DLG2: variants seen among roughly 807,000 people sequenced by gnomAD.
The protein encoded by DLG2 is discs large MAGUK scaffold protein 2, also known as disks large homolog 2.
A neutral mutation model predicts 132.5 loss-of-function variants in DLG2; 45 were observed. The observed-to-expected ratio is 0.34, with a 90% CI of 0.27 to 0.44. The LOEUF is 0.44. Among genes scored for constraint, DLG2 ranks in the 20% least tolerant of loss-of-function variants. DLG2 has a pLI of 1.00. For synonymous variants in DLG2, 424 were observed against 419.6 expected (o/e 1.01, Z -0.13); for missense variants, 1,045 against 1,196.9 (o/e 0.87, Z 1.87).
chr11:84,662,258 T>C (rs1034890740), intron 6 of DLG2, among the ~76,000 whole-genome samples: 1 of 147,288 alleles, frequency 6.8e-6, no homozygotes, highest in African/African-American at 2.5e-5. Context: ...AATGGTACAA[T>C]CTCTGCCTCC....
chr11:84,187,115 T>TTATATAATATTTACTTA (rs1432348491), intron 8 of DLG2, among the ~76,000 whole-genome samples: 2 of 149,434 alleles, frequency 1.3e-5, no homozygotes. Context: ...TATTATATCT[T>TTATATAATATTTACTTA]TATATAAATA....
chr11:85,005,152 A>C (rs1246916494), intron 6 of DLG2, among the ~76,000 whole-genome samples: 1 of 152,170 alleles, frequency 6.6e-6, no homozygotes, highest in Non-Finnish European at 1.5e-5. Context: ...GTTTGAAGTC[A>C]AATAGCGTGA....
chr11:84,896,631 T>G (rs1057274379), intron 6 of DLG2, among the ~76,000 whole-genome samples: 1 of 152,036 alleles, frequency 6.6e-6, no homozygotes, highest in African/African-American at 2.4e-5. Flanking sequence ...TAAACAGAGA[T>G]AGTAGTTGCC....
chr11:84,452,148 TGAGGAAGAGGAGGAGGAGAAAAGGAA>T (rs2099053392), intron 7 of DLG2, among the ~76,000 whole-genome samples: 3 of 141,564 alleles, frequency 2.1e-5, no homozygotes, highest in African/African-American at 7.7e-5. Flanking sequence ...GAGGAGGAGA[TGAGGAAGAGGAGGAGGAGAAAAGGAA>T]GAGGAAGAGG....
rs184806592 is a variant in DLG2 at position 84,937,513 on chromosome 11, A to G, written c.357+174148T>C. On this transcript the variant is annotated intron_variant, in intron 6 of 27. Transcript: ENST00000376104. ...TCCAGAGAAGGGGTGGTTACTTGAC[A>G]GTGAGAAGGCAAAGGAAGCGTATAT... Among the ~76,000 whole-genome samples, 9 of 152,316 alleles carry G rather than the reference A, an allele frequency of 5.9e-5. No homozygotes were observed. In the East Asian group the frequency reaches 1.4e-3, roughly 23 times the overall value.
At chr11:83,789,565 T>G (rs1480167818) in intron 17 of DLG2, among the ~76,000 whole-genome samples, 1 of 151,846 alleles carries the variant, frequency 6.6e-6, no homozygotes, top group East Asian at 1.9e-4. Context: ...TTTTTTTTTT[T>G]GAGACGAAGT....
rs750571582 is a variant in DLG2 at position 84,666,298 on chromosome 11, A to AT, written c.358-131568dup. On this transcript the variant is annotated intron_variant, in intron 6 of 27. Transcript: ENST00000376104. ...CTGACTCTTCTCAAAGTAAAAGAGA[A>AT]TTCTCCTATCTAATAGCCTTCGAAC... Among the ~76,000 whole-genome samples the AT allele has an allele frequency of 7.9e-5, 12 of 152,298 alleles. No homozygotes were observed. The East Asian group carries it at 2.3e-3, about 29-fold the overall frequency.
At chr11:83,628,019 G>C (rs1228125060) in intron 19 of DLG2, among the ~76,000 whole-genome samples, 1 of 152,200 alleles carries the variant, frequency 6.6e-6, no homozygotes, top group Non-Finnish European at 1.5e-5. Flanking sequence ...CTTCTTTTGA[G>C]AAGTGTCTGT....
At chr11:83,522,920 A>AT (rs1050581162) in intron 21 of DLG2, among the ~76,000 whole-genome samples, 1 of 151,296 alleles carries the variant, frequency 6.6e-6, no homozygotes, top group Non-Finnish European at 1.5e-5. Context: ...ACGTGCTATT[A>AT]TTTTTTAAAA....
intron 7 of DLG2, among the ~76,000 whole-genome samples, chr11:84,405,516 T>G (rs1384933712): frequency 6.6e-6 from 1 of 152,238 alleles, no homozygotes; most frequent in East Asian, 1.9e-4. Flanking sequence ...CCATGACTGC[T>G]GGTGCTTTGA....
intron 6 of DLG2, among the ~76,000 whole-genome samples, chr11:85,024,800 A>G (rs563121099): frequency 4.6e-5 from 7 of 152,168 alleles, no homozygotes; most frequent in African/African-American, 1.4e-4. Context: ...CTTTCCTAAC[A>G]TATTTTCAGG....
At chr11:85,131,726 T>C (rs2075725362) in intron 5 of DLG2, among the ~76,000 whole-genome samples, 1 of 152,156 alleles carries the variant, frequency 6.6e-6, no homozygotes, top group South Asian at 2.1e-4. Context: ...GGGGCTTCAT[T>C]TGTAAAAGTA....
At chr11:84,038,318 A>G (rs1171350498) in intron 11 of DLG2, among the ~76,000 whole-genome samples, 4 of 152,108 alleles carry the variant, frequency 2.6e-5, no homozygotes, top group Non-Finnish European at 5.9e-5. Flanking sequence ...AAACAACCCC[A>G]TAAAAAAGTG....
At chr11:85,054,748 A>C (rs2063279193) in intron 6 of DLG2, among the ~76,000 whole-genome samples, 1 of 152,194 alleles carries the variant, frequency 6.6e-6, no homozygotes, top group Non-Finnish European at 1.5e-5. Context: ...TATCCTAAGT[A>C]AATTAACACA....
chr11:85,225,088 A>G (rs1355236925), intron 4 of DLG2, among the ~76,000 whole-genome samples: 3 of 152,120 alleles, frequency 2.0e-5, no homozygotes, highest in African/African-American at 7.2e-5. Flanking sequence ...TTAGGCTTTA[A>G]ATTTAGTGGA....
At chr11:83,618,706 A>G (rs1566081562) in intron 19 of DLG2, among the ~76,000 whole-genome samples, 1 of 152,186 alleles carries the variant, frequency 6.6e-6, no homozygotes, top group Non-Finnish European at 1.5e-5. Context: ...TTGAGTTAGA[A>G]TTCTACAGGA....
chr11:84,348,285 G>C (rs191707006), intron 7 of DLG2, among the ~76,000 whole-genome samples: 6 of 152,128 alleles, frequency 3.9e-5, no homozygotes, highest in Non-Finnish European at 1.5e-5. Flanking sequence ...TACTAAAGAA[G>C]AAAAATAAAG....
At chr11:84,782,578 A>G (rs990596385) in intron 6 of DLG2, among the ~76,000 whole-genome samples, 1 of 152,114 alleles carries the variant, frequency 6.6e-6, no homozygotes, top group Non-Finnish European at 1.5e-5. Context: ...AAGAAATCCT[A>G]GGTTGTGGAA....
chr11:84,554,763 A>G (rs1242136471), intron 6 of DLG2, among the ~76,000 whole-genome samples: 1 of 152,136 alleles, frequency 6.6e-6, no homozygotes, highest in Admixed American at 6.5e-5. Context: ...AATAATAATA[A>G]TGAAGGAAAT....
Sources: gnomAD v4.1 joint callset for allele counts (sites outside exome capture counted in the v4.1 genomes callset) on GRCh38, gnomAD v4.1.1 for gene constraint, MANE v1.5 for transcripts, NCBI Gene and HGNC (gene_info 2026-07-23, HGNC 2026-07-21) for gene names.